Variants in AKAP14 observed in about 807,000 individuals in gnomAD.
AKAP14 encodes A-kinase anchor protein 14.
A neutral mutation model predicts 17.0 loss-of-function variants in AKAP14; 4 were observed. The ratio of observed to expected loss-of-function variants is 0.23; its 90% confidence interval spans 0.12 to 0.54. The LOEUF (loss-of-function observed/expected upper bound fraction) is 0.54, where lower values mean the gene tolerates loss of function less well. Ranked by LOEUF, AKAP14 falls within the 20% of genes least tolerant of loss-of-function variation. The pLI, the probability that AKAP14 is intolerant of heterozygous loss-of-function variation, is 0.95. For missense variants in AKAP14, 129 were observed against 150.9 expected, an observed-to-expected ratio of 0.85 and a Z score of 0.76; for synonymous variants, 42 against 51.3, an observed-to-expected ratio of 0.82 and a Z score of 0.77.
chrX:119,904,517 A>G (rs1329664713), intron 4 of AKAP14, among the ~76,000 whole-genome samples: 1 of 111,798 alleles, frequency 8.9e-6, no homozygotes, highest in Non-Finnish European at 1.9e-5. Context: ...AAATACCAAG[A>G]CGGGAGAATC....
intron 4 of AKAP14, among the ~76,000 whole-genome samples, chrX:119,907,348 C>A (rs1476224150): frequency 3.6e-5 from 4 of 110,673 alleles, no homozygotes; most frequent in Non-Finnish European, 3.8e-5. Context: ...CCAGTCTGGT[C>A]TCAAACTCCT....
intron 4 of AKAP14, among the ~76,000 whole-genome samples, chrX:119,912,485 T>C (rs1393873358): frequency 9.2e-6 from 1 of 108,409 alleles, no homozygotes; most frequent in Non-Finnish European, 1.9e-5. Flanking sequence ...TAATAAAAAA[T>C]GGATTAAGGA....
intron 4 of AKAP14, among the ~76,000 whole-genome samples, chrX:119,908,012 G>A (rs913228251): frequency 1.8e-4 from 20 of 111,667 alleles, no homozygotes; most frequent in Admixed American, 1.4e-3. Flanking sequence ...CAGGCTGGGC[G>A]CGGTGGCTCA....
intron 4 of AKAP14, among the ~76,000 whole-genome samples, chrX:119,908,640 T>C (rs2056611574): frequency 8.9e-6 from 1 of 112,115 alleles, no homozygotes. Context: ...GCCTTGTGCA[T>C]ATACTTCTAT....
intron 4 of AKAP14, among the ~76,000 whole-genome samples, chrX:119,906,536 CT>C (rs34286142): frequency 0.23 from 20,772 of 88,731 alleles, 3,470 homozygotes; most frequent in African/African-American, 0.56. Flanking sequence ...CCCGGCCCTT[CT>C]TTTTTTTTTT....
At chrX:119,919,313 G>T (rs950436531) in intron 5 of AKAP14, among the ~76,000 whole-genome samples, 1 of 112,222 alleles carries the variant, frequency 8.9e-6, no homozygotes, top group Admixed American at 9.6e-5. Context: ...GAGTAAAGTG[G>T]AGCATGTAAA....
chrX:119,898,784 T>C (rs2056546422), intron 2 of AKAP14, among the ~76,000 whole-genome samples: 2 of 89,633 alleles, frequency 2.2e-5, no homozygotes, highest in East Asian at 3.6e-4. Flanking sequence ...GCAATAAGAG[T>C]GAAAACTCCG....
chrX:119,897,673 T>G (rs1205868959), intron 2 of AKAP14, among the ~76,000 whole-genome samples: 1 of 112,069 alleles, frequency 8.9e-6, no homozygotes, highest in Non-Finnish European at 1.9e-5. Flanking sequence ...TGACCACCCT[T>G]TAGCCTCTGG....
At chrX:119,905,190 C>T (rs768216005) in intron 4 of AKAP14, among the ~76,000 whole-genome samples, 5 of 112,404 alleles carry the variant, frequency 4.4e-5, no homozygotes, top group African/African-American at 6.5e-5. Flanking sequence ...TCAAAGCCTA[C>T]AGCCCTCAGG....
intron 2 of AKAP14, among the ~76,000 whole-genome samples, chrX:119,902,887 C>T (rs969234976): frequency 9.0e-6 from 1 of 111,661 alleles, no homozygotes; most frequent in Non-Finnish European, 1.9e-5. Flanking sequence ...GACGGGGTTT[C>T]ACCATGTTGG....
At chrX:119,907,360 A>G (rs1264134859) in intron 4 of AKAP14, among the ~76,000 whole-genome samples, 1 of 110,443 alleles carries the variant, frequency 9.1e-6, no homozygotes, top group Non-Finnish European at 1.9e-5. Flanking sequence ...CAAACTCCTG[A>G]CCTCAAGTGA....
intron 4 of AKAP14, among the ~76,000 whole-genome samples, chrX:119,908,695 C>T: frequency 1.8e-5 from 2 of 111,686 alleles, no homozygotes; most frequent in South Asian, 7.4e-4. Context: ...GTTGGCTAAG[C>T]CATCCATGAT....
intron 2 of AKAP14, among the ~76,000 whole-genome samples, chrX:119,897,325 A>T (rs1323175804): frequency 2.8e-5 from 3 of 108,723 alleles, no homozygotes; most frequent in South Asian, 7.9e-4. Context: ...ACGGCTGGCT[A>T]ATTTTTTGTA....
At chrX:119,914,468 G>A (rs1318172044) in intron 4 of AKAP14, among the ~76,000 whole-genome samples, 1 of 109,593 alleles carries the variant, frequency 9.1e-6, no homozygotes, top group Non-Finnish European at 1.9e-5. Flanking sequence ...TTACAGGTGC[G>A]TGCCACCATG....
At chrX:119,920,263 C>T (rs1424019305) in intron 6 of AKAP14, among the ~76,000 whole-genome samples, 1 of 111,049 alleles carries the variant, frequency 9.0e-6, no homozygotes, top group Non-Finnish European at 1.9e-5. Flanking sequence ...GTATAATAAT[C>T]CCTTTTATAG....
intron 4 of AKAP14, 55 bp downstream of exon 4, chrX:119,903,641 G>A (rs1408065674): frequency 7.5e-6 from 9 of 1,197,105 alleles, no homozygotes; most frequent in Non-Finnish European, 1.0e-5. Context: ...ACAATAAAGA[G>A]ACTCTCAGCA....
intron 2 of AKAP14, among the ~76,000 whole-genome samples, chrX:119,899,358 G>A (rs1279043198): frequency 9.0e-6 from 1 of 110,691 alleles, no homozygotes; most frequent in African/African-American, 3.3e-5. Context: ...CAGGGCTCCT[G>A]TAGGAAACTG....
chrX:119,920,269 T>G, intron 6 of AKAP14, among the ~76,000 whole-genome samples: 1 of 111,286 alleles, frequency 9.0e-6, no homozygotes, highest in East Asian at 2.8e-4. Context: ...TAATCCCTTT[T>G]ATAGCAGCTC....
chrX:119,901,880 A>G lies in AKAP14; in HGVS notation c.-10-1334A>G, dbSNP rs191716424. ...CAAAATTAGCCGGGCGTGGTGGCGC[A>G]TGCCTCCAATCCCAGCTACTCGGGA... On this transcript the variant is annotated intron_variant, in intron 2 of 6. Transcript: ENST00000371431. 3.6e-4 allele frequency among the ~76,000 whole-genome samples: 38 copies of G among 105,581 alleles called. No individual in the cohort carries two copies. In the East Asian group the frequency reaches 0.011, roughly 32 times the overall value. The allele number at this position is 105,581 out of a possible 115,157, so 91.7% of individuals were successfully genotyped here.
Sources: allele counts gnomAD v4.1 joint callset (sites outside exome capture counted in the v4.1 genomes callset), GRCh38; gene constraint gnomAD v4.1.1; transcripts MANE v1.5; gene names NCBI Gene and HGNC (gene_info 2026-07-23, HGNC 2026-07-21).